The following NRXN1 variants were observed in gnomAD, a reference collection of about 807,000 sequenced individuals.
NRXN1 encodes neurexin-1.
Under a neutral mutation model 150.9 loss-of-function variants are expected in NRXN1, and 39 were observed. The ratio of observed to expected loss-of-function variants is 0.26; its 90% CI spans 0.20 to 0.34. The LOEUF is 0.34. Among genes scored for constraint, NRXN1 ranks in the 10% least tolerant of loss-of-function variants. The pLI is 1.00. For synonymous variants in NRXN1, 924 were observed against 757.0 expected, an observed-to-expected ratio of 1.22 and a Z score of -3.62; for missense variants, 1,815 against 1,949.9, an observed-to-expected ratio of 0.93 and a Z score of 1.30.
intron 21 of NRXN1, among the ~76,000 whole-genome samples, chr2:49,954,973 G>A (rs1220529448): frequency 6.6e-6 from 1 of 152,134 alleles, no homozygotes; most frequent in Non-Finnish European, 1.5e-5. Flanking sequence ...TAAAGCATTT[G>A]CGTGAATAAA....
chr2:50,123,259 C>A (rs1184228549), intron 18 of NRXN1, among the ~76,000 whole-genome samples: 2 of 151,966 alleles, frequency 1.3e-5, no homozygotes, highest in African/African-American at 2.4e-5. Context: ...GCAGGTGGCA[C>A]TGAAAGAGTG....
At chr2:50,342,118 A>G (rs1204806894) in intron 17 of NRXN1, among the ~76,000 whole-genome samples, 2 of 152,206 alleles carry the variant, frequency 1.3e-5, no homozygotes, top group Non-Finnish European at 2.9e-5. Flanking sequence ...ACACAAATAC[A>G]AACACATGCT....
chr2:50,050,801 C>A (rs973424365), intron 21 of NRXN1, among the ~76,000 whole-genome samples: 1 of 151,840 alleles, frequency 6.6e-6, no homozygotes, highest in South Asian at 2.1e-4. Flanking sequence ...TTTCCCCATA[C>A]ATACATGTGT....
intron 5 of NRXN1, among the ~76,000 whole-genome samples, chr2:50,711,243 C>CCA (rs1477363217): frequency 3.9e-5 from 6 of 151,978 alleles, no homozygotes; most frequent in Non-Finnish European, 8.8e-5. Flanking sequence ...TTCCCAGGAC[C>CCA]CACACCCTTA....
At chr2:50,277,175 T>C (rs1354298493) in intron 17 of NRXN1, among the ~76,000 whole-genome samples, 1 of 152,206 alleles carries the variant, frequency 6.6e-6, no homozygotes, top group East Asian at 1.9e-4. Context: ...AACATTTGTA[T>C]TTAGAAGATA....
At chr2:50,408,837 A>ATCTCTCTC (rs10522429) in intron 17 of NRXN1, among the ~76,000 whole-genome samples, 5,621 of 136,384 alleles carry the variant, frequency 0.041, 238 homozygotes, top group East Asian at 0.16. Flanking sequence ...ATCAATCTCA[A>ATCTCTCTC]TCTCTCTCTC....
intron 22 of NRXN1, among the ~76,000 whole-genome samples, chr2:49,935,925 T>C (rs1205659394): frequency 6.6e-6 from 1 of 152,226 alleles, no homozygotes; most frequent in Non-Finnish European, 1.5e-5. Flanking sequence ...TTTCAGAGCA[T>C]GGATGTGCAT....
intron 19 of NRXN1, among the ~76,000 whole-genome samples, chr2:50,061,374 G>A (rs1481797568): frequency 6.6e-6 from 1 of 152,142 alleles, no homozygotes; most frequent in Non-Finnish European, 1.5e-5. Context: ...AATATGCTGG[G>A]ATATAGAAGC....
chr2:49,974,354 T>C (rs1184252978), intron 21 of NRXN1, among the ~76,000 whole-genome samples: 1 of 152,110 alleles, frequency 6.6e-6, no homozygotes, highest in Non-Finnish European at 1.5e-5. Context: ...TGCTTTTCAA[T>C]TTGCTCCCCT....
At chr2:50,238,788 A>C (rs2065715513) in intron 17 of NRXN1, among the ~76,000 whole-genome samples, 1 of 152,014 alleles carries the variant, frequency 6.6e-6, no homozygotes, top group Non-Finnish European at 1.5e-5. Context: ...CAATATGCCT[A>C]TTGTACCTGA....
intron 5 of NRXN1, among the ~76,000 whole-genome samples, chr2:50,639,441 G>A (rs182437278): frequency 5.3e-5 from 8 of 151,756 alleles, no homozygotes; most frequent in East Asian, 3.9e-4. Context: ...GGCTGGTCTC[G>A]AATGCCTGAC....
chr2:50,637,932 C>A (rs941530810), intron 5 of NRXN1, among the ~76,000 whole-genome samples: 5 of 151,826 alleles, frequency 3.3e-5, no homozygotes, highest in African/African-American at 1.2e-4. Context: ...TTTAGTTTTA[C>A]CTTTGACATA....
chr2:51,003,199 T>G (rs894705471), intron 2 of NRXN1, among the ~76,000 whole-genome samples: 11 of 151,932 alleles, frequency 7.2e-5, no homozygotes, highest in Non-Finnish European at 1.5e-4. Flanking sequence ...GATTCCTAAA[T>G]AATAATGATT....
intron 10 of NRXN1, among the ~76,000 whole-genome samples, chr2:50,535,580 T>C (rs1476025833): frequency 1.3e-5 from 2 of 152,230 alleles, no homozygotes; most frequent in African/African-American, 2.4e-5. Flanking sequence ...GAATAATTTT[T>C]ATATGATCAA....
intron 5 of NRXN1, among the ~76,000 whole-genome samples, chr2:50,855,896 A>T (rs1470501309): frequency 6.6e-6 from 1 of 152,054 alleles, no homozygotes; most frequent in Non-Finnish European, 1.5e-5. Context: ...CGGTTAAACA[A>T]ATTAATTTGT....
chr2:50,741,136 G>C (rs1180513145), intron 5 of NRXN1, among the ~76,000 whole-genome samples: 2 of 151,910 alleles, frequency 1.3e-5, no homozygotes, highest in Admixed American at 1.3e-4. Flanking sequence ...GATCAAAATT[G>C]TCCTCATTAT....
At chr2:50,085,345 T>G (rs1338191325) in intron 19 of NRXN1, among the ~76,000 whole-genome samples, 1 of 152,202 alleles carries the variant, frequency 6.6e-6, no homozygotes, top group African/African-American at 2.4e-5. Context: ...ATTGGTTATT[T>G]AAACAATAAT....
rs1482589071 is a variant in NRXN1 at position 50,235,410 on chromosome 2, G to A, written c.3546+1379C>T. On this transcript the variant is annotated intron_variant, in intron 18 of 22. Coordinates refer to ENST00000401669, the MANE Select transcript of NRXN1 (RefSeq NM_001330078.2). ...ACATTTTAAATTGAAATTTTACTAT[G>A]GTTCAATAATGGCTGTGCTGAGGGG... Among the ~76,000 whole-genome samples the A allele has an allele frequency of 2.6e-5, 4 of 151,988 alleles. No individual in the cohort carries two copies. In the South Asian group the frequency reaches 6.2e-4, roughly 24 times the overall value.
chr2:50,606,602 C>T (rs899743411), intron 8 of NRXN1, among the ~76,000 whole-genome samples: 2 of 100,594 alleles, frequency 2.0e-5, no homozygotes, highest in African/African-American at 8.5e-5. Flanking sequence ...GTGAGCTGCT[C>T]ATACAATAAT....
Sources: allele counts gnomAD v4.1 joint callset (sites outside exome capture counted in the v4.1 genomes callset), GRCh38; gene constraint gnomAD v4.1.1; transcripts MANE v1.5; gene names NCBI Gene and HGNC (gene_info 2026-07-23, HGNC 2026-07-21).